SLC44A5: variants seen among roughly 807,000 people sequenced by gnomAD.
SLC44A5 encodes the protein solute carrier family 44 member 5.
In SLC44A5, 57 loss-of-function variants were observed where a neutral mutation model predicts 101.8. That is an observed-to-expected ratio of 0.56 (90% CI 0.45 to 0.70). SLC44A5 has a LOEUF of 0.70. SLC44A5 is among the 30% of genes least tolerant of loss of function. SLC44A5 has a pLI of 0.00. For synonymous variants in SLC44A5, 281 were observed against 290.9 expected, an observed-to-expected ratio of 0.97 and a Z score of 0.35; for missense variants, 737 against 853.1, an observed-to-expected ratio of 0.86 and a Z score of 1.70.
At chr1:75,618,912 A>G in the SLC44A5 span, among the ~76,000 whole-genome samples, 1 of 152,014 alleles carries the variant, frequency 6.6e-6, no homozygotes, top group Non-Finnish European at 1.5e-5. Flanking sequence ...TCCACAAAAA[A>G]TACAAAAATT....
At chr1:75,545,111 G>C (rs1671573922) in intron 1 of SLC44A5, among the ~76,000 whole-genome samples, 1 of 151,964 alleles carries the variant, frequency 6.6e-6, no homozygotes, top group African/African-American at 2.4e-5. Context: ...TGCAGTGTTT[G>C]GTTTTCCGTT....
At chr1:75,578,860 T>G (rs1008697379) in intron 1 of SLC44A5, among the ~76,000 whole-genome samples, 2 of 152,214 alleles carry the variant, frequency 1.3e-5, no homozygotes, top group Non-Finnish European at 2.9e-5. Flanking sequence ...TCAATGGATA[T>G]ATATATAAAA....
At chr1:75,527,285 GGAGAAAGA>G (rs960340847) in intron 2 of SLC44A5, among the ~76,000 whole-genome samples, 1 of 137,946 alleles carries the variant, frequency 7.2e-6, no homozygotes, top group Admixed American at 7.3e-5. Flanking sequence ...AGGGAGAAAG[GGAGAAAGA>G]GAGAAAGAGA....
chr1:75,344,524 A>G (rs1307731008), intron 3 of SLC44A5, among the ~76,000 whole-genome samples: 1 of 152,174 alleles, frequency 6.6e-6, no homozygotes, highest in African/African-American at 2.4e-5. Context: ...GGTGAGCCCA[A>G]TGTGATCACA....
chr1:75,614,498 G>A (rs781301025), upstream of SLC44A5, among the ~76,000 whole-genome samples: 8 of 152,130 alleles, frequency 5.3e-5, no homozygotes, highest in Non-Finnish European at 1.2e-4. Flanking sequence ...GAGTACTCCG[G>A]AGCAATTAAA....
At chr1:75,354,397 C>T (rs915014318) in intron 3 of SLC44A5, among the ~76,000 whole-genome samples, 2 of 152,192 alleles carry the variant, frequency 1.3e-5, no homozygotes, top group Admixed American at 6.5e-5. Context: ...GCTTACATAT[C>T]CCATAGACTT....
At chr1:75,466,916 A>T (rs1236102993) in intron 2 of SLC44A5, among the ~76,000 whole-genome samples, 1 of 152,184 alleles carries the variant, frequency 6.6e-6, no homozygotes, top group African/African-American at 2.4e-5. Context: ...TGCAGATGAT[A>T]TGATTTTGTA....
chr1:75,306,365 G>A (rs1315521574), intron 4 of SLC44A5, among the ~76,000 whole-genome samples: 1 of 152,144 alleles, frequency 6.6e-6, no homozygotes, highest in African/African-American at 2.4e-5. Context: ...TTAGTGAGAT[G>A]CACCCTTCAC....
At chr1:75,220,524 A>G (rs1277943242) in intron 14 of SLC44A5, among the ~76,000 whole-genome samples, 7 of 152,046 alleles carry the variant, frequency 4.6e-5, no homozygotes, top group African/African-American at 1.4e-4. Flanking sequence ...TTGCAGTTAA[A>G]TGTATTTTTA....
chr1:75,495,399 G>A (rs777498584), intron 2 of SLC44A5, among the ~76,000 whole-genome samples: 3 of 151,990 alleles, frequency 2.0e-5, no homozygotes, highest in Non-Finnish European at 2.9e-5. Flanking sequence ...AGTTTGCAGT[G>A]AGCCGAGATT....
Position 75,236,993 on chromosome 1 carries a change from A to G in SLC44A5, c.734T>C (p.Ile245Thr). 6.3e-7 allele frequency: 1 copy of G among 1,584,792 alleles called. No individual in the cohort carries two copies. The highest frequency in any genetic ancestry group is 1.1e-5 in the South Asian group (1 of 88,960). ...FEDYARTWYW[I>T]LIGLTIAMVL... ...TCTATGTGTTTTCACTTACATGAGA[A>G]TCCAATACCAAGTTCTTGCATAGTC... Residue 245 changes from isoleucine (I) to threonine (T), a missense_variant, in exon 11 of 24, where the codon ATT becomes ACT. Ile to Thr is a moderately conservative substitution (Grantham distance 89). Coordinates refer to ENST00000370859, the MANE Select transcript of SLC44A5 (RefSeq NM_001130058.2).
intron 2 of SLC44A5, among the ~76,000 whole-genome samples, chr1:75,473,592 AG>A (rs2101738928): frequency 6.6e-6 from 1 of 152,284 alleles, no homozygotes; most frequent in Admixed American, 6.5e-5. Context: ...ATTCACACAT[AG>A]ATGTTTTCTT....
At chr1:75,675,239 C>T in the SLC44A5 span, among the ~76,000 whole-genome samples, 1 of 152,136 alleles carries the variant, frequency 6.6e-6, no homozygotes. Context: ...ACTTCCTGTC[C>T]ATGAGTATGG....
intron 1 of SLC44A5, among the ~76,000 whole-genome samples, chr1:75,593,482 T>C (rs896605209): frequency 7.9e-5 from 12 of 152,148 alleles, no homozygotes; most frequent in African/African-American, 2.7e-4. Context: ...ATCCCACTGC[T>C]AGATATATAC....
intron 1 of SLC44A5, among the ~76,000 whole-genome samples, chr1:75,547,453 G>A (rs748167061): frequency 1.7e-4 from 26 of 152,166 alleles, no homozygotes; most frequent in Non-Finnish European, 3.2e-4. Context: ...TGTAACAGGA[G>A]ATGAAACTTA....
chr1:75,515,668 A>G (rs1264780260), intron 2 of SLC44A5, among the ~76,000 whole-genome samples: 2 of 152,182 alleles, frequency 1.3e-5, no homozygotes, highest in Non-Finnish European at 2.9e-5. Flanking sequence ...CTGTTGATGG[A>G]CATTTAGTCT....
intron 1 of SLC44A5, among the ~76,000 whole-genome samples, chr1:75,571,152 T>G (rs182553425): frequency 2.6e-5 from 4 of 152,182 alleles, no homozygotes; most frequent in African/African-American, 9.7e-5. Flanking sequence ...CTCAGAGACA[T>G]TCCCAAAAAT....
At chr1:75,690,387 TTTAACACACGGGGA>T in the SLC44A5 span, among the ~76,000 whole-genome samples, 1 of 152,088 alleles carries the variant, frequency 6.6e-6, no homozygotes, top group Non-Finnish European at 1.5e-5. Flanking sequence ...AGGTCTCTCC[TTTAACACACGGGGA>T]TTATAATTTG....
At chr1:75,246,647 G>A (rs1280921585) in intron 7 of SLC44A5, among the ~76,000 whole-genome samples, 1 of 152,104 alleles carries the variant, frequency 6.6e-6, no homozygotes, top group African/African-American at 2.4e-5. Context: ...GGCTGGAAAG[G>A]AGGCTACAGA....
Sources: gnomAD v4.1 joint callset for allele counts (sites outside exome capture counted in the v4.1 genomes callset) on GRCh38, gnomAD v4.1.1 for gene constraint, MANE v1.5 for transcripts, NCBI Gene and HGNC (gene_info 2026-07-23, HGNC 2026-07-21) for gene names.